The following VEGFC variants were observed in gnomAD, a reference collection of about 807,000 sequenced individuals.
VEGFC encodes FLT4 ligand DHM.
Under a neutral mutation model 46.1 loss-of-function variants are expected in VEGFC, and 12 were observed. The ratio of observed to expected loss-of-function variants is 0.26; its 90% CI spans 0.17 to 0.42. The LOEUF (loss-of-function observed/expected upper bound fraction) is 0.42. Ranked by LOEUF, VEGFC falls within the 10% of genes least tolerant of loss-of-function variation. The probability of loss-of-function intolerance (pLI) is 1.00; values close to 1 mark genes in which losing one functional copy is unlikely to be tolerated. For synonymous variants in VEGFC, 232 were observed against 195.5 expected (o/e 1.19, Z -1.56); for missense variants, 488 against 529.4 (o/e 0.92, Z 0.77).
chr4:176,741,430 G>A (rs1367642165), intron 1 of VEGFC, among the ~76,000 whole-genome samples: 2 of 151,844 alleles, frequency 1.3e-5, no homozygotes, highest in African/African-American at 4.8e-5. Context: ...AGTCCACTTA[G>A]GGGGTTGATT....
chr4:176,700,968 C>T (rs575335358), intron 4 of VEGFC, among the ~76,000 whole-genome samples: 5 of 152,038 alleles, frequency 3.3e-5, no homozygotes, highest in Admixed American at 1.3e-4. Context: ...AATGAACAGG[C>T]GGAACACGGA....
At chr4:176,711,726 G>A (rs997285004) in intron 3 of VEGFC, 76 bp from the exon 4 acceptor site, 35 of 1,451,904 alleles carry the variant, frequency 2.4e-5, no homozygotes, top group Admixed American at 3.7e-5. Flanking sequence ...ATTGGAGTCC[G>A]AAAAAGAGTG....
chr4:176,791,846 C>T (rs1736098925), intron 1 of VEGFC, among the ~76,000 whole-genome samples: 1 of 152,100 alleles, frequency 6.6e-6, no homozygotes, highest in Non-Finnish European at 1.5e-5. Flanking sequence ...CTCATACTCT[C>T]CAGAGCCCCG....
At chr4:176,690,517 G>A (rs189014224) in intron 4 of VEGFC, among the ~76,000 whole-genome samples, 1 of 151,748 alleles carries the variant, frequency 6.6e-6, no homozygotes, top group Admixed American at 6.6e-5. Context: ...GAATTCCAAG[G>A]GCAAGTCTCT....
chr4:176,697,509 A>C (rs1247567481), intron 4 of VEGFC, among the ~76,000 whole-genome samples: 2 of 151,594 alleles, frequency 1.3e-5, no homozygotes, highest in African/African-American at 4.8e-5. Flanking sequence ...GGATGTGGAG[A>C]AATAGGAACA....
chr4:176,759,256 G>T (rs921429880), intron 1 of VEGFC, among the ~76,000 whole-genome samples: 2 of 152,008 alleles, frequency 1.3e-5, no homozygotes, highest in African/African-American at 4.8e-5. Context: ...ATTTGGGACA[G>T]TGGGGGGAAA....
At chr4:176,764,405 A>G (rs1308833654) in intron 1 of VEGFC, among the ~76,000 whole-genome samples, 1 of 152,214 alleles carries the variant, frequency 6.6e-6, no homozygotes, top group African/African-American at 2.4e-5. Flanking sequence ...GACAGAGGGT[A>G]CACAAAACAA....
intron 1 of VEGFC, among the ~76,000 whole-genome samples, chr4:176,776,942 G>C (rs1473435646): frequency 6.6e-6 from 1 of 152,128 alleles, no homozygotes; most frequent in Non-Finnish European, 1.5e-5. Flanking sequence ...AGTAAGTGTT[G>C]TATTGTTCTA....
intron 1 of VEGFC, among the ~76,000 whole-genome samples, chr4:176,780,094 T>A (rs902139058): frequency 6.6e-6 from 1 of 152,242 alleles, no homozygotes; most frequent in African/African-American, 2.4e-5. Context: ...AAAACTCTTT[T>A]CTAGGCCAGG....
intron 1 of VEGFC, among the ~76,000 whole-genome samples, chr4:176,777,852 G>A (rs1735840248): frequency 7.0e-6 from 1 of 142,996 alleles, no homozygotes; most frequent in Non-Finnish European, 1.5e-5. Flanking sequence ...CCAGGAGGTG[G>A]AGCTTGCAGT....
At chr4:176,710,425 G>T (rs1430606876) in intron 4 of VEGFC, among the ~76,000 whole-genome samples, 1 of 152,032 alleles carries the variant, frequency 6.6e-6, no homozygotes, top group African/African-American at 2.4e-5. Flanking sequence ...CACATAAAAG[G>T]GGACAGATCT....
chr4:176,684,174 G>T, intron 6 of VEGFC, 134 bp from the exon 7 acceptor site: 1 of 668,358 alleles, frequency 1.5e-6, no homozygotes, highest in Non-Finnish European at 2.6e-6. Context: ...TTGTTCATAG[G>T]TTTAAAAAAG....
At chr4:176,717,593 A>G (rs977053439) in intron 3 of VEGFC, among the ~76,000 whole-genome samples, 1 of 152,258 alleles carries the variant, frequency 6.6e-6, no homozygotes, top group Admixed American at 6.5e-5. Flanking sequence ...GTACTAAATT[A>G]TAAGTAATGT....
At chr4:176,722,882 C>T (rs1200676124) in intron 3 of VEGFC, among the ~76,000 whole-genome samples, 5 of 152,186 alleles carry the variant, frequency 3.3e-5, no homozygotes, top group Admixed American at 3.3e-4. Context: ...GCATACACAC[C>T]TACCCTTGAA....
intron 1 of VEGFC, among the ~76,000 whole-genome samples, chr4:176,783,109 T>C (rs1460769673): frequency 6.6e-6 from 1 of 152,118 alleles, no homozygotes; most frequent in African/African-American, 2.4e-5. Context: ...AATCAACTAT[T>C]TGGAATAAAC....
rs188263060 is a variant in VEGFC at position 176,788,930 on chromosome 4, G to A, written c.147+3235C>T. On this transcript the variant is annotated intron_variant, in intron 1 of 6. Coordinates refer to ENST00000618562, the MANE Select transcript of VEGFC (RefSeq NM_005429.5). ...ATAATGTCCATATTATGGAGGTGTA[G>A]TGAAAAACAAAACTAACTTGCAAAG... Among the ~76,000 whole-genome samples the A allele has an allele frequency of 2.6e-5, 4 of 152,328 alleles. No homozygotes were observed. In the East Asian group the frequency reaches 7.7e-4, roughly 29 times the overall value.
At chr4:176,788,527 G>A (rs1186007528) in intron 1 of VEGFC, among the ~76,000 whole-genome samples, 1 of 152,108 alleles carries the variant, frequency 6.6e-6, no homozygotes, top group Non-Finnish European at 1.5e-5. Flanking sequence ...TTTACGATGG[G>A]GCTACATCCT....
intron 1 of VEGFC, among the ~76,000 whole-genome samples, chr4:176,785,162 T>C (rs1176587346): frequency 6.6e-6 from 1 of 152,226 alleles, no homozygotes; most frequent in Non-Finnish European, 1.5e-5. Flanking sequence ...CTGCATACTT[T>C]ACTATTGCAT....
intron 4 of VEGFC, among the ~76,000 whole-genome samples, chr4:176,695,716 TG>T (rs1179968532): frequency 6.6e-6 from 1 of 151,870 alleles, no homozygotes; most frequent in Non-Finnish European, 1.5e-5. Context: ...TGAACATTGA[TG>T]CAAAAATCCT....
Sources: gnomAD v4.1 joint callset for allele counts (sites outside exome capture counted in the v4.1 genomes callset) on GRCh38, gnomAD v4.1.1 for gene constraint, MANE v1.5 for transcripts, NCBI Gene and HGNC (gene_info 2026-07-23, HGNC 2026-07-21) for gene names.